The following TRPC7 variants were observed in gnomAD, a reference collection of about 807,000 sequenced individuals.
TRPC7 encodes the protein transient receptor potential cation channel subfamily C member 7.
Under a neutral mutation model 90.1 loss-of-function variants are expected in TRPC7, and 42 were observed. The observed-to-expected ratio is 0.47, with a 90% CI of 0.36 to 0.60. The LOEUF is 0.60. Ranked by LOEUF, TRPC7 falls within the 20% of genes least tolerant of loss-of-function variation. The pLI, the probability that TRPC7 is intolerant of heterozygous loss-of-function variation, is 0.00. For synonymous variants in TRPC7, 451 were observed against 436.3 expected, an observed-to-expected ratio of 1.03 and a Z score of -0.42; for missense variants, 955 against 1,112.3, an observed-to-expected ratio of 0.86 and a Z score of 2.01.
chr5:136,351,252 T>G (rs1389639973), intron 2 of TRPC7, among the ~76,000 whole-genome samples: 1 of 152,198 alleles, frequency 6.6e-6, no homozygotes, highest in East Asian at 1.9e-4. Context: ...TTCTAGATTC[T>G]GTCTTACACA....
At chr5:136,331,400 T>C (rs1759496324) in intron 2 of TRPC7, among the ~76,000 whole-genome samples, 1 of 151,856 alleles carries the variant, frequency 6.6e-6, no homozygotes, top group African/African-American at 2.4e-5. Context: ...GGAGGTACAA[T>C]GGAGAGTGAG....
At chr5:136,357,502 T>C in intron 1 of TRPC7, 117 bp from the exon 2 acceptor site, 3 of 1,082,726 alleles carry the variant, frequency 2.8e-6, no homozygotes, top group East Asian at 2.6e-5. Flanking sequence ...TGAGGAATTG[T>C]GCAATCTTAC....
At chr5:136,352,924 C>A (rs1177492145) in intron 2 of TRPC7, among the ~76,000 whole-genome samples, 2 of 152,156 alleles carry the variant, frequency 1.3e-5, no homozygotes, top group East Asian at 3.8e-4. Context: ...AATCCACCCA[C>A]GTAGGAAGAG....
chr5:136,223,879 T>C (rs1755542095), intron 10 of TRPC7, among the ~76,000 whole-genome samples: 1 of 152,180 alleles, frequency 6.6e-6, no homozygotes, highest in African/African-American at 2.4e-5. Context: ...GTCTGTAAAA[T>C]AGCTCAAAGC....
intron 2 of TRPC7, among the ~76,000 whole-genome samples, chr5:136,326,004 A>T (rs1473419998): frequency 6.6e-6 from 1 of 152,208 alleles, no homozygotes; most frequent in Non-Finnish European, 1.5e-5. Context: ...CTTCATCTGC[A>T]CAGGGCACCA....
In TRPC7 at chr5:136,213,187, C is replaced by T; in HGVS notation, c.*248G>A. The T allele has an allele frequency of 2.0e-6, 1 of 505,982 alleles. No homozygotes were observed. Among genetic ancestry groups the T allele is most frequent in the Non-Finnish European group, 3.5e-6 (1 of 281,972 alleles). 31.3% of individuals were successfully genotyped at this position (505,982 alleles called of 1,614,324 possible). The stretch of plus-strand genomic sequence containing the variant: ...GCTGGACCAAAGGTCTCACACTCGT[C>T]AGGGGGCTGTTCCTCCCCTCCTCCC... On this transcript the variant is annotated 3_prime_UTR_variant, in exon 12 of 12. Transcript: ENST00000513104.
chr5:136,304,947 T>A (rs1471830492), intron 3 of TRPC7, among the ~76,000 whole-genome samples: 3 of 152,264 alleles, frequency 2.0e-5, no homozygotes, highest in Non-Finnish European at 2.9e-5. Flanking sequence ...CTAGCCCTCA[T>A]GTCTGCGTAC....
intron 3 of TRPC7, among the ~76,000 whole-genome samples, chr5:136,288,573 C>A (rs76373384): frequency 0.026 from 3,926 of 151,822 alleles, 68 homozygotes; most frequent in African/African-American, 0.045. Flanking sequence ...CTTTATAAGG[C>A]AAGTAGTGTT....
chr5:136,268,613 G>GT (rs1373215610), intron 4 of TRPC7, among the ~76,000 whole-genome samples: 2 of 152,154 alleles, frequency 1.3e-5, no homozygotes, highest in Non-Finnish European at 2.9e-5. Flanking sequence ...AGAAGACCTG[G>GT]TTTAAGGAAT....
At chr5:136,313,723 A>G (rs1758917955) in intron 3 of TRPC7, among the ~76,000 whole-genome samples, 1 of 152,174 alleles carries the variant, frequency 6.6e-6, no homozygotes, top group Admixed American at 6.5e-5. Context: ...TATGCAGGTC[A>G]TTTATCATCT....
At position 136,348,964 on chromosome 5, in the gene TRPC7, G is replaced by T. The variant is rs559758554; in HGVS notation, c.780+7644C>A. The stretch of plus-strand genomic sequence containing the variant: ...CTACTCATTGGCTAACATCCTCAAA[G>T]AACTGTTTCCATTTTCTCCATATCT... On this transcript the variant is annotated intron_variant, in intron 2 of 11. Coordinates refer to ENST00000513104, the MANE Select transcript of TRPC7 (RefSeq NM_020389.3). 2.1e-3 allele frequency among the ~76,000 whole-genome samples: 326 copies of T among 152,182 alleles called. 1 individual carries two copies. The highest frequency in any genetic ancestry group is 7.5e-3 in the African/African-American group (310 of 41,524).
intron 3 of TRPC7, among the ~76,000 whole-genome samples, chr5:136,299,909 T>A (rs1167605121): frequency 6.6e-6 from 1 of 152,214 alleles, no homozygotes; most frequent in Non-Finnish European, 1.5e-5. Context: ...CTCAAATTCC[T>A]CTCTTCCTAT....
intron 5 of TRPC7, among the ~76,000 whole-genome samples, chr5:136,257,695 T>C (rs1195389892): frequency 6.6e-6 from 1 of 151,346 alleles, no homozygotes; most frequent in African/African-American, 2.4e-5. Flanking sequence ...GTATACCGTA[T>C]CAAAATTTTT....
chr5:136,288,661 C>A (rs1757818465), intron 3 of TRPC7, among the ~76,000 whole-genome samples: 1 of 152,212 alleles, frequency 6.6e-6, no homozygotes, highest in African/African-American at 2.4e-5. Flanking sequence ...CTACTCCACA[C>A]AGGGCCGTTT....
At chr5:136,276,471 A>G (rs1486021163) in intron 3 of TRPC7, among the ~76,000 whole-genome samples, 1 of 152,230 alleles carries the variant, frequency 6.6e-6, no homozygotes, top group Non-Finnish European at 1.5e-5. Flanking sequence ...TACAAAAGCA[A>G]TATAAATAGA....
At chr5:136,304,238 C>T (rs1010915086) in intron 3 of TRPC7, among the ~76,000 whole-genome samples, 7 of 151,962 alleles carry the variant, frequency 4.6e-5, no homozygotes, top group African/African-American at 1.5e-4. Context: ...CCTTGGGGAC[C>T]GATCATGCAC....
intron 6 of TRPC7, among the ~76,000 whole-genome samples, chr5:136,249,259 CTG>C (rs1302661084): frequency 6.6e-6 from 1 of 152,066 alleles, no homozygotes; most frequent in Non-Finnish European, 1.5e-5. Flanking sequence ...AAACTAGACT[CTG>C]TTAAATAATT....
At chr5:136,339,907 AATTTC>A (rs1759789186) in intron 2 of TRPC7, among the ~76,000 whole-genome samples, 1 of 152,144 alleles carries the variant, frequency 6.6e-6, no homozygotes, top group African/African-American at 2.4e-5. Flanking sequence ...TAACAGAATA[AATTTC>A]AGAGGAATTA....
intron 10 of TRPC7, chr5:136,222,257 A>G (rs1755484608): frequency 6.6e-6 from 1 of 152,196 alleles, no homozygotes; most frequent in Admixed American, 6.5e-5. Flanking sequence ...CTGAATGAAC[A>G]CCTGAAATGC....
Sources: allele counts gnomAD v4.1 joint callset (sites outside exome capture counted in the v4.1 genomes callset), GRCh38; gene constraint gnomAD v4.1.1; transcripts MANE v1.5; gene names NCBI Gene and HGNC (gene_info 2026-07-23, HGNC 2026-07-21).